The following HIP1 variants were observed in gnomAD, a reference collection of about 807,000 sequenced individuals.
HIP1 encodes huntingtin-interacting protein 1.
In HIP1, 65 loss-of-function variants were observed where a neutral mutation model predicts 147.6. That is an observed-to-expected ratio of 0.44 (90% CI 0.36 to 0.54). HIP1 has a LOEUF of 0.54. Ranked by LOEUF, HIP1 falls within the 20% of genes least tolerant of loss-of-function variation. The probability of loss-of-function intolerance (pLI) is 0.00; values close to 1 mark genes in which losing one functional copy is unlikely to be tolerated. For missense variants in HIP1, 1,061 were observed against 1,299.6 expected, an observed-to-expected ratio of 0.82 and a Z score of 2.82; for synonymous variants, 479 against 504.0, an observed-to-expected ratio of 0.95 and a Z score of 0.67.
chr7:75,566,279 C>T (rs1795398613), intron 9 of HIP1, among the ~76,000 whole-genome samples: 1 of 151,304 alleles, frequency 6.6e-6, no homozygotes, highest in Non-Finnish European at 1.5e-5. Context: ...ACCTCGGCCT[C>T]CCAAAGTGCT....
intron 20 of HIP1, 35 bp downstream of exon 20, chr7:75,554,405 A>G: frequency 6.4e-7 from 1 of 1,559,662 alleles, no homozygotes; most frequent in South Asian, 1.1e-5. Context: ...TCTGGCCATC[A>G]CTAGCCGACA....
intron 1 of HIP1, among the ~76,000 whole-genome samples, chr7:75,603,806 G>C (rs1797107715): frequency 1.3e-5 from 2 of 151,822 alleles, no homozygotes; most frequent in South Asian, 4.2e-4. Flanking sequence ...CCAGCAGGCA[G>C]AGGTTGCAGT....
chr7:75,714,012 T>A (rs1036889226), intron 1 of HIP1, among the ~76,000 whole-genome samples: 118 of 142,562 alleles, frequency 8.3e-4, no homozygotes, highest in African/African-American at 2.9e-3. Context: ...TTTTTTTTTT[T>A]AACATTTTAT....
intron 1 of HIP1, among the ~76,000 whole-genome samples, chr7:75,644,080 G>A (rs1291325800): frequency 6.6e-6 from 1 of 152,110 alleles, no homozygotes; most frequent in African/African-American, 2.4e-5. Context: ...ATCTCAAGTT[G>A]AATTCTGGCT....
chr7:75,719,667 C>T (rs1400377046), intron 1 of HIP1, among the ~76,000 whole-genome samples: 2 of 152,116 alleles, frequency 1.3e-5, no homozygotes, highest in Non-Finnish European at 2.9e-5. Context: ...GTGATCCACT[C>T]GCCTTGGCCT....
intron 2 of HIP1, among the ~76,000 whole-genome samples, chr7:75,598,416 A>C (rs1453850541): frequency 6.8e-6 from 1 of 147,448 alleles, no homozygotes; most frequent in Non-Finnish European, 1.5e-5. Context: ...AAAAAAAAAA[A>C]ACTCTCTTTT....
At chr7:75,642,607 T>C (rs1798683590) in intron 1 of HIP1, among the ~76,000 whole-genome samples, 1 of 152,198 alleles carries the variant, frequency 6.6e-6, no homozygotes, top group Non-Finnish European at 1.5e-5. Flanking sequence ...GCCCCCATTC[T>C]TGTCTATCCT....
intron 1 of HIP1, among the ~76,000 whole-genome samples, chr7:75,678,752 C>T (rs183826413): frequency 1.2e-3 from 188 of 152,276 alleles, no homozygotes; most frequent in African/African-American, 4.4e-3. Context: ...CAGCCAGGCC[C>T]GTGCTTTTCC....
chr7:75,629,745 T>A (rs1798152955), intron 1 of HIP1, among the ~76,000 whole-genome samples: 2 of 152,190 alleles, frequency 1.3e-5, no homozygotes, highest in South Asian at 4.1e-4. Context: ...TTTCTCCATG[T>A]TGGTCAGGAT....
At chr7:75,548,305 G>C (rs1794652264) in intron 23 of HIP1, among the ~76,000 whole-genome samples, 1 of 151,922 alleles carries the variant, frequency 6.6e-6, no homozygotes, top group Non-Finnish European at 1.5e-5. Flanking sequence ...GGGAATACAG[G>C]CGTGAGCCAC....
rs1174306312 is a variant in HIP1 at position 75,586,414 on chromosome 7, C to T, written c.465+339G>A. Among the ~76,000 whole-genome samples the T allele has an allele frequency of 3.9e-5, 6 of 152,056 alleles. No homozygotes were observed. In the East Asian group the frequency reaches 1.2e-3, roughly 29 times the overall value. ...ACGGGGTTTTGCCATGTTGTCCAGG[C>T]CAGTCTTGAACCCCTGACCTCGGGT... On this transcript the variant is annotated intron_variant, in intron 5 of 30. Coordinates refer to ENST00000336926, the MANE Select transcript of HIP1 (RefSeq NM_005338.7).
At chr7:75,649,765 A>C (rs1554511666) in intron 1 of HIP1, among the ~76,000 whole-genome samples, 1 of 152,194 alleles carries the variant, frequency 6.6e-6, no homozygotes, top group Non-Finnish European at 1.5e-5. Context: ...TGCAGGAAGC[A>C]AGGAAGTGTG....
At chr7:75,609,411 C>T (rs936741137) in intron 1 of HIP1, among the ~76,000 whole-genome samples, 3 of 152,112 alleles carry the variant, frequency 2.0e-5, no homozygotes, top group African/African-American at 7.2e-5. Context: ...AAGTTCCCTG[C>T]GAGGACCAGT....
At chr7:75,595,251 T>TCTTTCTTTCTTTCTTC (rs1491144475) in intron 2 of HIP1, among the ~76,000 whole-genome samples, 34 of 59,508 alleles carry the variant, frequency 5.7e-4, no homozygotes, top group South Asian at 1.8e-3. Flanking sequence ...TTTCTTTCTT[T>TCTTTCTTTCTTTCTTC]CTTCCTTCCT....
At position 75,534,237 on chromosome 7, in the gene HIP1, G is replaced by C. The variant is rs1388068646; in HGVS notation, c.*3935C>G. 4.4e-6 allele frequency: 1 copy of C among 225,668 alleles called. No individual in the cohort carries two copies. The highest frequency in any genetic ancestry group is 8.8e-6 in the Non-Finnish European group (1 of 113,380). The allele number at this position is 225,668 out of a possible 1,614,324, so 14.0% of individuals were successfully genotyped here. A position where few individuals can be genotyped will look rare whatever the true frequency, so the allele number is the denominator to read the frequency against. ...GGTGTCTGACTTGGTAGCTGGGACAGTTCCAAGAAAAGTTGCTCTAGACAG... is the reference window on the plus strand; with the variant it reads ...GGTGTCTGACTTGGTAGCTGGGACACTTCCAAGAAAAGTTGCTCTAGACAG... On this transcript the variant is annotated 3_prime_UTR_variant, in exon 31 of 31. Coordinates refer to ENST00000336926, the MANE Select transcript of HIP1 (RefSeq NM_005338.7).
At chr7:75,618,523 G>A (rs1797741354) in intron 1 of HIP1, among the ~76,000 whole-genome samples, 1 of 152,128 alleles carries the variant, frequency 6.6e-6, no homozygotes, top group South Asian at 2.1e-4. Flanking sequence ...CTGACCCCAG[G>A]TGACCTGCCC....
rs189192225 is a variant in HIP1, at chr7:75,685,886, G to A, written c.120+52915C>T. On this transcript the variant is annotated intron_variant, in intron 1 of 30. Transcript: ENST00000336926. ...CTACCACAAATAGCTTATTCTGCCT[G>A]TGGCCTTTTTTTGTTGTTGTTGTTC... Among the ~76,000 whole-genome samples the A allele has an allele frequency of 1.5e-3, 227 of 151,464 alleles. 1 individual carries two copies. Among genetic ancestry groups the A allele is most frequent in the Non-Finnish European group, 1.9e-3 (127 of 67,852 alleles).
chr7:75,636,392 A>C (rs192682698), intron 1 of HIP1, among the ~76,000 whole-genome samples: 6 of 152,262 alleles, frequency 3.9e-5, no homozygotes, highest in Admixed American at 2.6e-4. Flanking sequence ...GTAAACTATA[A>C]TCTGCTTTTC....
At chr7:75,604,402 G>A (rs973469187) in intron 1 of HIP1, among the ~76,000 whole-genome samples, 1 of 152,132 alleles carries the variant, frequency 6.6e-6, no homozygotes, top group South Asian at 2.1e-4. Flanking sequence ...GGCTGGATGT[G>A]GTGGCTCATG....
Sources: allele counts gnomAD v4.1 joint callset (sites outside exome capture counted in the v4.1 genomes callset), GRCh38; gene constraint gnomAD v4.1.1; transcripts MANE v1.5; gene names NCBI Gene and HGNC (gene_info 2026-07-23, HGNC 2026-07-21).